Variants in SKAP2 observed in about 807,000 individuals in gnomAD.
SKAP2 encodes src kinase associated phosphoprotein 2.
In SKAP2, 28 loss-of-function variants were observed where a neutral mutation model predicts 54.9. The observed-to-expected ratio is 0.51, with a 90% CI of 0.38 to 0.70. SKAP2 has a LOEUF of 0.70. SKAP2 is among the 30% of genes least tolerant of loss of function. The pLI is 0.00. For synonymous variants in SKAP2, 137 were observed against 134.3 expected, an observed-to-expected ratio of 1.02 and a Z score of -0.14; for missense variants, 356 against 424.1, an observed-to-expected ratio of 0.84 and a Z score of 1.41.
chr7:26,715,360 T>A (rs1787406248), intron 9 of SKAP2, among the ~76,000 whole-genome samples: 1 of 151,960 alleles, frequency 6.6e-6, no homozygotes, highest in Non-Finnish European at 1.5e-5. Flanking sequence ...TTTTACAGGA[T>A]CTTTTTCTCT....
At chr7:26,788,613 T>C (rs1031617655) in intron 4 of SKAP2, among the ~76,000 whole-genome samples, 8 of 152,170 alleles carry the variant, frequency 5.3e-5, no homozygotes, top group Non-Finnish European at 1.0e-4. Context: ...TATACCCCTT[T>C]ATAATAGCTC....
intron 9 of SKAP2, among the ~76,000 whole-genome samples, chr7:26,694,303 T>C (rs1304686986): frequency 1.3e-5 from 2 of 152,130 alleles, no homozygotes; most frequent in East Asian, 3.9e-4. Flanking sequence ...GGTTATAAGG[T>C]TTTCATTATG....
intron 4 of SKAP2, among the ~76,000 whole-genome samples, chr7:26,789,871 A>G (rs772446676): frequency 1.4e-4 from 22 of 152,180 alleles, no homozygotes; most frequent in Non-Finnish European, 2.5e-4. Flanking sequence ...AAAGGGGAAT[A>G]AGTATATGGT....
intron 4 of SKAP2, among the ~76,000 whole-genome samples, chr7:26,794,305 A>G (rs1783725330): frequency 2.0e-5 from 3 of 152,246 alleles, no homozygotes; most frequent in Non-Finnish European, 2.9e-5. Flanking sequence ...CCTGATAGCA[A>G]TAACTTAAGC....
At chr7:26,846,809 C>G (rs1033062525) in intron 3 of SKAP2, among the ~76,000 whole-genome samples, 1 of 152,218 alleles carries the variant, frequency 6.6e-6, no homozygotes, top group East Asian at 1.9e-4. Context: ...GGCAAAACCC[C>G]GTCTCCACTA....
intron 11 of SKAP2, among the ~76,000 whole-genome samples, chr7:26,676,620 G>A (rs1323044563): frequency 6.6e-6 from 1 of 152,110 alleles, no homozygotes; most frequent in Admixed American, 6.6e-5. Flanking sequence ...ATTATTTCCT[G>A]TTGTTAACTG....
intron 4 of SKAP2, among the ~76,000 whole-genome samples, chr7:26,810,151 C>T (rs1185053912): frequency 6.6e-6 from 1 of 151,972 alleles, no homozygotes; most frequent in Non-Finnish European, 1.5e-5. Context: ...GACTAGCCAA[C>T]CTGGCAAGTC....
chr7:26,675,225 A>T (rs183902334), intron 11 of SKAP2, among the ~76,000 whole-genome samples: 2 of 152,236 alleles, frequency 1.3e-5, no homozygotes, highest in East Asian at 3.9e-4. Flanking sequence ...GCTTGTTCCC[A>T]CCCTGCTGGC....
intron 1 of SKAP2, among the ~76,000 whole-genome samples, chr7:26,856,060 T>C (rs967738797): frequency 6.6e-6 from 1 of 152,160 alleles, no homozygotes; most frequent in East Asian, 1.9e-4. Context: ...TGTTTGTAAT[T>C]CTTGATTACA....
chr7:26,821,025 C>T (rs995488606), intron 4 of SKAP2, among the ~76,000 whole-genome samples: 6 of 152,070 alleles, frequency 3.9e-5, no homozygotes, highest in African/African-American at 1.4e-4. Context: ...AGTGTCAAAC[C>T]AGGATTAAAC....
chr7:26,760,189 A>G (rs1042704035), intron 4 of SKAP2, among the ~76,000 whole-genome samples: 10 of 152,196 alleles, frequency 6.6e-5, no homozygotes, highest in Non-Finnish European at 1.2e-4. Context: ...TATTCCACGA[A>G]TCCTTGGAAT....
chr7:26,856,825 A>G (rs754406590), intron 1 of SKAP2, among the ~76,000 whole-genome samples: 64 of 152,204 alleles, frequency 4.2e-4, no homozygotes, highest in Non-Finnish European at 6.8e-4. Context: ...TTCCTCTTCC[A>G]TGAGTATTTA....
At chr7:26,804,505 C>A (rs1783983027) in intron 4 of SKAP2, among the ~76,000 whole-genome samples, 1 of 152,058 alleles carries the variant, frequency 6.6e-6, no homozygotes, top group Non-Finnish European at 1.5e-5. Flanking sequence ...CTTTGGGAGG[C>A]CAAGGCGGGC....
intron 4 of SKAP2, among the ~76,000 whole-genome samples, chr7:26,757,625 TCTTTTG>T (rs1782824054): frequency 1.3e-5 from 2 of 152,208 alleles, no homozygotes; most frequent in Admixed American, 1.3e-4. Flanking sequence ...CCAGCTTTGT[TCTTTTG>T]GCTTAGGATT....
chr7:26,811,009 G>T (rs7792788), intron 4 of SKAP2, among the ~76,000 whole-genome samples: 116,227 of 152,008 alleles, frequency 0.76, 44,735 homozygotes, highest in East Asian at 0.95. Context: ...TCAATTTAAA[G>T]TTTTTTAAAT....
chr7:26,819,596 C>T (rs890174398), intron 4 of SKAP2, among the ~76,000 whole-genome samples: 1 of 151,812 alleles, frequency 6.6e-6, no homozygotes, highest in African/African-American at 2.4e-5. Flanking sequence ...CTTTCCCATG[C>T]TTTCTCCCCT....
chr7:26,723,512 A>G (rs1787625292), intron 9 of SKAP2, among the ~76,000 whole-genome samples: 1 of 152,208 alleles, frequency 6.6e-6, no homozygotes, highest in Non-Finnish European at 1.5e-5. Context: ...CTACTTAAAA[A>G]GTAACCAGTT....
At chr7:26,664,198 G>A (rs10275554), downstream of SKAP2, among the ~76,000 whole-genome samples, 5,886 of 152,216 alleles carry the variant, frequency 0.039, 150 homozygotes, top group Non-Finnish European at 0.058. Context: ...CTACCCTAAG[G>A]CTTTGGGGAC....
rs1787721930 is a variant in SKAP2 at position 26,726,945 on chromosome 7, T to TA, written c.530dup (p.Arg178LysfsTer11). ...AGCAATCTTTCTTTCCATCCTTTCT[T>TA]AGAGTGTTATTCATTCTGACACTGT... On this transcript the variant is annotated frameshift_variant, in exon 7 of 13. Coordinates refer to ENST00000345317, the MANE Select transcript of SKAP2 (RefSeq NM_003930.5). LOFTEE classifies it high-confidence loss of function. 6.2e-7 allele frequency: 1 copy of TA among 1,610,474 alleles called. No homozygotes were observed. The highest frequency in any genetic ancestry group is 8.5e-7 in the Non-Finnish European group (1 of 1,177,732).
Sources: gnomAD v4.1 joint callset for allele counts (sites outside exome capture counted in the v4.1 genomes callset) on GRCh38, gnomAD v4.1.1 for gene constraint, MANE v1.5 for transcripts, NCBI Gene and HGNC (gene_info 2026-07-23, HGNC 2026-07-21) for gene names.